RPS6KC1: variants seen among roughly 807,000 people sequenced by gnomAD.
RPS6KC1 encodes inactive ribosomal protein S6 kinase delta-1.
Under a neutral mutation model 103.8 loss-of-function variants are expected in RPS6KC1, and 54 were observed. That is an observed-to-expected ratio of 0.52 (90% CI 0.42 to 0.65). The LOEUF is 0.65. Among genes scored for constraint, RPS6KC1 ranks in the 30% least tolerant of loss-of-function variants. RPS6KC1 has a pLI of 0.00. For synonymous variants in RPS6KC1, 439 were observed against 438.7 expected (o/e 1.00, Z -0.01); for missense variants, 1,151 against 1,253.8 (o/e 0.92, Z 1.24).
chr1:213,142,160 A>T (rs2087132231), intron 6 of RPS6KC1, among the ~76,000 whole-genome samples: 1 of 152,058 alleles, frequency 6.6e-6, no homozygotes, highest in Non-Finnish European at 1.5e-5. Flanking sequence ...TTGTTGATTT[A>T]AAATCAGTTT....
chr1:213,517,772 C>T, the RPS6KC1 span, among the ~76,000 whole-genome samples: 97,739 of 151,772 alleles, frequency 0.64, 33,695 homozygotes, highest in East Asian at 0.99. Flanking sequence ...GAGTTCAGTT[C>T]CTGGATATCC....
chr1:213,312,112 G>T, the RPS6KC1 span, among the ~76,000 whole-genome samples: 1 of 152,172 alleles, frequency 6.6e-6, no homozygotes, highest in Non-Finnish European at 1.5e-5. Flanking sequence ...TGGCAGGATG[G>T]TGTTGAACTC....
intron 8 of RPS6KC1, among the ~76,000 whole-genome samples, chr1:213,200,612 A>G (rs1459027737): frequency 6.6e-6 from 1 of 152,220 alleles, no homozygotes; most frequent in Non-Finnish European, 1.5e-5. Context: ...AAGCAATGGC[A>G]AAAAACAAAA....
intron 5 of RPS6KC1, among the ~76,000 whole-genome samples, chr1:213,121,539 C>G (rs2084385563): frequency 6.6e-6 from 1 of 151,954 alleles, no homozygotes; most frequent in Non-Finnish European, 1.5e-5. Context: ...ATGTCTTTTC[C>G]TTGAATTAAA....
At chr1:213,239,320 A>G (rs2094298211) in intron 10 of RPS6KC1, among the ~76,000 whole-genome samples, 1 of 152,050 alleles carries the variant, frequency 6.6e-6, no homozygotes, top group South Asian at 2.1e-4. Flanking sequence ...TCTGGGCTAC[A>G]GAGTGAGACT....
At chr1:213,641,089 T>C in the RPS6KC1 span, among the ~76,000 whole-genome samples, 5 of 148,240 alleles carry the variant, frequency 3.4e-5, no homozygotes, top group Non-Finnish European at 5.9e-5. Context: ...ATGTCTCTCT[T>C]TACTTTTCAG....
intron 7 of RPS6KC1, among the ~76,000 whole-genome samples, chr1:213,169,265 T>C (rs79148704): frequency 0.011 from 1,706 of 152,288 alleles, 38 homozygotes; most frequent in African/African-American, 0.037. Context: ...GTCAAAACTG[T>C]ACTAATCAGT....
At chr1:213,758,315 C>T in the RPS6KC1 span, among the ~76,000 whole-genome samples, 2,526 of 152,276 alleles carry the variant, frequency 0.017, 35 homozygotes, top group South Asian at 0.066. Context: ...TGGTGGCTCA[C>T]ACCTGTAATC....
intron 14 of RPS6KC1, among the ~76,000 whole-genome samples, chr1:213,269,689 G>C (rs1025314286): frequency 6.6e-6 from 1 of 152,032 alleles, no homozygotes; most frequent in Admixed American, 6.6e-5. Context: ...ATACTTCTAA[G>C]TTTAAATGCC....
At chr1:213,817,385 A>T in the RPS6KC1 span, among the ~76,000 whole-genome samples, 1 of 152,216 alleles carries the variant, frequency 6.6e-6, no homozygotes, top group Non-Finnish European at 1.5e-5. Flanking sequence ...TTAAGGTTTT[A>T]CAGCATAAAC....
At chr1:213,217,912 TATC>T (rs2148739032) in intron 8 of RPS6KC1, among the ~76,000 whole-genome samples, 1 of 152,242 alleles carries the variant, frequency 6.6e-6, no homozygotes, top group African/African-American at 2.4e-5. Flanking sequence ...CCACAGCCAA[TATC>T]ATACTGAATG....
chr1:213,334,303 G>A, the RPS6KC1 span, among the ~76,000 whole-genome samples: 1 of 152,124 alleles, frequency 6.6e-6, no homozygotes, highest in Admixed American at 6.5e-5. Context: ...TGTCAAATTT[G>A]GGAACACCTT....
the RPS6KC1 span, among the ~76,000 whole-genome samples, chr1:213,514,669 G>T: frequency 6.6e-6 from 1 of 152,064 alleles, no homozygotes; most frequent in Non-Finnish European, 1.5e-5. Context: ...TTGCTATTGT[G>T]AATAGTGCCG....
chr1:213,186,098 G>A (rs951041993), intron 8 of RPS6KC1, among the ~76,000 whole-genome samples: 1 of 151,218 alleles, frequency 6.6e-6, no homozygotes, highest in Admixed American at 6.6e-5. Context: ...GATAAAATCA[G>A]GTAATTTGAT....
At chr1:213,763,363 C>A in the RPS6KC1 span, among the ~76,000 whole-genome samples, 1 of 152,196 alleles carries the variant, frequency 6.6e-6, no homozygotes, top group Admixed American at 6.5e-5. Flanking sequence ...ACTGACTTTC[C>A]CTTTCCCTGA....
rs755474543 is a variant in RPS6KC1, at chr1:213,241,284, T to G, written c.1808T>G (p.Ile603Arg). 4.3e-6 allele frequency: 7 copies of G among 1,613,832 alleles called. No individual in the cohort carries two copies. Among genetic ancestry groups the G allele is most frequent in the Middle Eastern group, 3.3e-4 (2 of 6,080 alleles). ...AATAGCCCCATGGAATTCTTTAGGATAGACAGTAAGGATAGCGCAAGTGAA... is the reference window on the plus strand; with the variant it reads ...AATAGCCCCATGGAATTCTTTAGGAGAGACAGTAAGGATAGCGCAAGTGAA... ...SKNSPMEFFR[I>R]DSKDSASELL... Residue 603 changes from isoleucine (I) to arginine (R), a missense_variant, in exon 11 of 15, where the codon ATA (isoleucine) becomes AGA (arginine). Ile to Arg is a moderately conservative substitution (Grantham distance 97, BLOSUM62 -3). Around this residue, in one of 3 missense-constraint regions of RPS6KC1, gnomAD observed 959 missense variants for 1,006.3 expected, o/e 0.95. Coordinates refer to ENST00000366960, the MANE Select transcript of RPS6KC1 (RefSeq NM_012424.6).
At chr1:213,355,110 C>T in the RPS6KC1 span, among the ~76,000 whole-genome samples, 1 of 152,054 alleles carries the variant, frequency 6.6e-6, no homozygotes, top group Non-Finnish European at 1.5e-5. Context: ...TCCAGCTACT[C>T]AGGAGGCTGA....
chr1:213,558,551 C>A, the RPS6KC1 span, among the ~76,000 whole-genome samples: 1 of 152,200 alleles, frequency 6.6e-6, no homozygotes, highest in East Asian at 1.9e-4. Context: ...TGGAGCTTTT[C>A]AGCCCTTTGA....
intron 12 of RPS6KC1, among the ~76,000 whole-genome samples, chr1:213,251,317 C>A (rs1370500583): frequency 6.6e-6 from 1 of 152,116 alleles, no homozygotes; most frequent in Non-Finnish European, 1.5e-5. Flanking sequence ...CCATGTTGGC[C>A]AGGCTGGTCC....
Sources: gnomAD v4.1 joint callset for allele counts (sites outside exome capture counted in the v4.1 genomes callset) on GRCh38, gnomAD v4.1.1 for gene constraint, gnomAD v4.1.1 regional missense constraint, MANE v1.5 for transcripts, NCBI Gene and HGNC (gene_info 2026-07-23, HGNC 2026-07-21) for gene names.